The following ZNF296 variants were observed in gnomAD, a reference collection of about 807,000 sequenced individuals.
ZNF296 encodes the protein zinc finger protein 342.
In ZNF296, 1 loss-of-function variant was observed where a neutral mutation model predicts 13.2. The observed-to-expected ratio is 0.08, with a 90% CI of 0.03 to 0.36. ZNF296 has a LOEUF of 0.36. Ranked by LOEUF, ZNF296 falls within the 10% of genes least tolerant of loss-of-function variation. The pLI, the probability that ZNF296 is intolerant of heterozygous loss-of-function variation, is 0.99. For missense variants in ZNF296, 555 were observed against 688.2 expected (o/e 0.81, Z 2.16); for synonymous variants, 303 against 289.0 (o/e 1.05, Z -0.49).
chr19:45,072,984 T>C (rs1967284985), intron 2 of ZNF296, among the ~76,000 whole-genome samples: 2 of 152,118 alleles, frequency 1.3e-5, no homozygotes, highest in African/African-American at 4.8e-5. Flanking sequence ...ACTCTTGGCC[T>C]CAAGTGATCC....
At chr19:45,072,853 C>G (rs1464007439) in intron 2 of ZNF296, among the ~76,000 whole-genome samples, 1 of 152,204 alleles carries the variant, frequency 6.6e-6, no homozygotes, top group African/African-American at 2.4e-5. Flanking sequence ...CCTCCACCTC[C>G]TGGATTCAAG....
In ZNF296 at chr19:45,071,868, G is replaced by A; in HGVS notation, c.1161C>T (p.Ser387=). The A allele has an allele frequency of 6.2e-7, 1 of 1,613,180 alleles. No homozygotes were observed. Among genetic ancestry groups the A allele is most frequent in the South Asian group, 1.1e-5 (1 of 91,090 alleles). ...SGGKSRGPGG[S]CEFCGKHFTN... is the part of the protein sequence containing the mutation. ...TAAAATGCTTCCCGCAGAACTCACA[G>A]CTGCCCCCGGGCCCGCGGCTCTTGC... Residue 387 remains serine, a synonymous_variant, in exon 3 of 3, where the codon AGC becomes AGT. Coordinates refer to ENST00000303809, the MANE Select transcript of ZNF296 (RefSeq NM_145288.3).
intron 2 of ZNF296, among the ~76,000 whole-genome samples, chr19:45,074,237 T>C (rs1967305197): frequency 6.6e-6 from 1 of 151,740 alleles, no homozygotes; most frequent in Admixed American, 6.6e-5. Flanking sequence ...GGTGCACGCC[T>C]GTAGTCCCAG....
intron 2 of ZNF296, among the ~76,000 whole-genome samples, chr19:45,073,128 C>T (rs1967287039): frequency 6.6e-6 from 1 of 152,154 alleles, no homozygotes; most frequent in African/African-American, 2.4e-5. Context: ...AGCCATGGCT[C>T]ATAGCCCGGC....
intron 2 of ZNF296, among the ~76,000 whole-genome samples, chr19:45,075,351 G>C (rs1967325218): frequency 6.6e-6 from 1 of 152,146 alleles, no homozygotes; most frequent in Non-Finnish European, 1.5e-5. Context: ...CTCCCTAGAG[G>C]TCCCCTCCTA....
rs770447950 is a variant in ZNF296, at chr19:45,076,400, G to A, written c.-27C>T. The A allele has an allele frequency of 8.8e-6, 11 of 1,244,150 alleles. No individual in the cohort carries two copies. In the South Asian group the frequency reaches 1.1e-4, roughly 13 times the overall value. The allele number at this position is 1,244,150 out of a possible 1,614,324, so 77.1% of individuals were successfully genotyped here. A position where few individuals can be genotyped will look rare whatever the true frequency, so the allele number is the denominator to read the frequency against. On this transcript the variant is annotated 5_prime_UTR_variant, in exon 1 of 3. Coordinates refer to ENST00000303809, the MANE Select transcript of ZNF296 (RefSeq NM_145288.3). This position sits in a 1 kb window ranked among gnomAD's most constrained non-coding sequence, Gnocchi z 4.9. ...AGTCGCGGGCCGGGCGAGCGAGCGG[G>A]CGGGCAGGCAGGCAGGCGGGCGGGC...
Position 45,071,816 on chromosome 19 carries a change from G to T in ZNF296, c.1213C>A (p.Arg405=), listed in dbSNP as rs779791032. 2 of 1,610,460 alleles carry T rather than the reference G, an allele frequency of 1.2e-6. No individual in the cohort carries two copies. The highest frequency in any genetic ancestry group is 1.7e-6 in the Non-Finnish European group (2 of 1,179,068). ...FTNSSNLTVH[R]RSHTGERPYT... ...GGGCGCTCCCCGGTGTGTGAGCGCC[G>T]GTGCACCGTCAGGTTGCTGCTGTTG... The change falls in exon 3 of 3, where the codon CGG becomes AGG. Residue 405 remains arginine (R), a synonymous_variant. Transcript: ENST00000303809.
In ZNF296 at chr19:45,075,831, A is replaced by G; in HGVS notation, c.330T>C (p.Asp110=). 1 of 1,613,990 alleles carries G rather than the reference A, an allele frequency of 6.2e-7. No homozygotes were observed. Among genetic ancestry groups the G allele is most frequent in the Non-Finnish European group, 8.5e-7 (1 of 1,179,990 alleles). Residue 110 remains aspartate, a synonymous_variant, in exon 2 of 3, where the codon GAT becomes GAC. Transcript: ENST00000303809. ...GCAGGCAGCGGCCGCAGGTCAACAG[A>G]TCTGGGTGTTTGTCGGTCCAGGGCT... ...DRQPWTDKHP[D]LLTCGRCLQT... is the part of the protein sequence containing the mutation.
rs781445018 is a variant in ZNF296, at chr19:45,071,624, G to T, written c.1405C>A (p.Pro469Thr). 6.6e-7 allele frequency: 1 copy of T among 1,525,662 alleles called. No individual in the cohort carries two copies. Among genetic ancestry groups the T allele is most frequent in the Non-Finnish European group, 8.8e-7 (1 of 1,142,210 alleles). The allele number at this position is 1,525,662 out of a possible 1,614,324, so 94.5% of individuals were successfully genotyped here. Residue 469 changes from proline (P) to threonine (T), a missense_variant, in exon 3 of 3, where the codon CCT (proline) becomes ACT (threonine). By Grantham distance (38) the Pro-to-Thr change is conservative (BLOSUM62 -1). Around this residue, in one of 3 missense-constraint regions of ZNF296, gnomAD observed 410 missense variants for 548.0 expected, o/e 0.75. Coordinates refer to ENST00000303809, the MANE Select transcript of ZNF296 (RefSeq NM_145288.3). Reference protein sequence around the residue: ...TLDKHLRQKHPEAAGEA With the variant: ...TLDKHLRQKHTEAAGEA ...GCTCAGGCCTCGCCGGCCGCCTCAGGGTGCTTCTGCCGCAGGTGTTTGTCC... is the reference window on the plus strand; with the variant it reads ...GCTCAGGCCTCGCCGGCCGCCTCAGTGTGCTTCTGCCGCAGGTGTTTGTCC...
In ZNF296 at chr19:45,072,441, G is replaced by A. The variant is rs561163341; in HGVS notation, c.588C>T (p.Leu196=). 1.7e-5 allele frequency: 27 copies of A among 1,612,842 alleles called. No homozygotes were observed. The South Asian group carries it at 2.3e-4, about 14-fold the overall frequency. The change falls in exon 3 of 3, where the codon CTC becomes CTT. Residue 196 remains leucine, a synonymous_variant. Coordinates refer to ENST00000303809, the MANE Select transcript of ZNF296 (RefSeq NM_145288.3). The part of the protein sequence containing the change: ...QTESEAPEAP[L]LGLAEVAAAV... ...CTGCAGCCACCTCGGCCAGGCCCAG[G>A]AGCGGGGCCTCCGGGGCCTCTGATT...
intron 2 of ZNF296, among the ~76,000 whole-genome samples, chr19:45,073,601 G>T (rs866231578): frequency 7.4e-6 from 1 of 135,214 alleles, no homozygotes. Context: ...TTGAGCCACC[G>T]CACCCGGCCG....
At position 45,072,437 on chromosome 19, in the gene ZNF296, C is replaced by T. The variant is rs750840192; in HGVS notation, c.592G>A (p.Gly198Ser). 29 of 1,612,790 alleles carry T rather than the reference C, an allele frequency of 1.8e-5. No homozygotes were observed. The highest frequency in any genetic ancestry group is 8.3e-5 in the Admixed American group (5 of 60,016). ...ESEAPEAPLL[G>S]LAEVAAAVSA... ...ACGGCTGCAGCCACCTCGGCCAGGC[C>T]CAGGAGCGGGGCCTCCGGGGCCTCT... Residue 198 changes from glycine (G) to serine (S), a missense_variant, in exon 3 of 3, where the codon GGC becomes AGC. Physicochemically the swap from Gly to Ser is moderately conservative, Grantham distance 56. Transcript: ENST00000303809.
Position 45,071,790 on chromosome 19 carries a change from G to A in ZNF296, c.1239C>T (p.Pro413=), listed in dbSNP as rs140532757. ...CGTAGTTGCAGAACTCACAGGTGTA[G>A]GGGCGCTCCCCGGTGTGTGAGCGCC... ...VHRRSHTGER[P]YTCEFCNYAC... Residue 413 remains proline (P), a synonymous_variant, in exon 3 of 3, where the codon CCC becomes CCT. Transcript: ENST00000303809. 3 of 1,613,396 alleles carry A rather than the reference G, an allele frequency of 1.9e-6. No individual in the cohort carries two copies. The highest frequency in any genetic ancestry group is 2.2e-5 in the East Asian group (1 of 44,860).
At chr19:45,075,969 A>T (rs537294799) in intron 1 of ZNF296, 107 bp from the exon 2 acceptor site, 2 of 1,582,546 alleles carry the variant, frequency 1.3e-6, no homozygotes. Context: ...GAGGGGCAGG[A>T]CGGGGCGAAG....
At position 45,072,189 on chromosome 19, in the gene ZNF296, G is replaced by T. The variant is rs765029233; in HGVS notation, c.840C>A (p.Thr280=). ...GGCTCTGGGGCGGCACCTGCCGGTG[G>T]GTCTTCTTGTGGCGGTTGAGCTTGC... ...QSSKLNRHKK[T]HRQVPPQSPL... is the part of the protein sequence containing the mutation. The change falls in exon 3 of 3, where the codon ACC becomes ACA. Residue 280 remains threonine (T), a synonymous_variant. Coordinates refer to ENST00000303809, the MANE Select transcript of ZNF296 (RefSeq NM_145288.3). 1.9e-6 allele frequency: 3 copies of T among 1,604,752 alleles called. No homozygotes were observed. The Admixed American group carries it at 5.1e-5, about 27-fold the overall frequency.
chr19:45,072,652 C>T, intron 2 of ZNF296, 72 bp from the exon 3 acceptor site: 1 of 1,505,054 alleles, frequency 6.6e-7, no homozygotes, highest in Non-Finnish European at 8.9e-7. Context: ...GATAGGCACT[C>T]CTGCAGGGGC....
chr19:45,075,789 C>T lies in ZNF296; in HGVS notation c.372G>A (p.Glu124=). Residue 124 remains glutamate (E), a synonymous_variant, in exon 2 of 3, where the codon GAG becomes GAA. Coordinates refer to ENST00000303809, the MANE Select transcript of ZNF296 (RefSeq NM_145288.3). The stretch of plus-strand genomic sequence containing the variant: ...TGTGGTCCATGAAGGCAGTGATGGC[C>T]TCCAACGGGAAGGTCTGCAGGCAGC... ...CGRCLQTFPL[E]AITAFMDHKK... is the part of the protein sequence containing the mutation. The T allele has an allele frequency of 1.2e-6, 2 of 1,614,116 alleles. No individual in the cohort carries two copies. The highest frequency in any genetic ancestry group is 1.7e-6 in the Non-Finnish European group (2 of 1,180,016).
Position 45,076,183 on chromosome 19 carries a change from C to T in ZNF296, c.191G>A (p.Gly64Asp), listed in dbSNP as rs1175627254. 2.0e-6 allele frequency: 3 copies of T among 1,504,432 alleles called. No homozygotes were observed. Among genetic ancestry groups the T allele is most frequent in the Non-Finnish European group, 8.8e-7 (1 of 1,130,068 alleles). 93.2% of individuals were successfully genotyped at this position (1,504,432 alleles called of 1,614,324 possible). ...GGGGCCAGGGGAGTGGTGGGGTTCG[C>T]CGCCGAACCGCCCCGCCGAGGACAC... is the stretch of plus-strand genomic sequence containing the variant. Reference protein sequence around the residue: ...KEVSSAGRFGGEPHHSPGPMP... With the variant: ...KEVSSAGRFGDEPHHSPGPMP... The change falls in exon 1 of 3, where the codon GGC (glycine) becomes GAC (aspartate). Residue 64 changes from glycine to aspartate, a missense_variant. Gly to Asp is a moderately conservative substitution (Grantham distance 94). Coordinates refer to ENST00000303809, the MANE Select transcript of ZNF296 (RefSeq NM_145288.3). This position sits in a 1 kb window ranked among gnomAD's most constrained non-coding sequence, Gnocchi z 4.9.
intron 2 of ZNF296, among the ~76,000 whole-genome samples, chr19:45,073,746 G>A (rs958459586): frequency 1.5e-4 from 23 of 151,614 alleles, no homozygotes; most frequent in Non-Finnish European, 3.4e-4. Context: ...GGTTTAGGCC[G>A]GGCACGGTGG....
Sources: gnomAD v4.1 joint callset for allele counts (sites outside exome capture counted in the v4.1 genomes callset) on GRCh38, gnomAD v4.1.1 for gene constraint, gnomAD v4.1.1 regional missense constraint, Gnocchi (gnomAD v3.1) non-coding constraint, MANE v1.5 for transcripts, NCBI Gene and HGNC (gene_info 2026-07-23, HGNC 2026-07-21) for gene names.